The following MTHFSD variants were observed in gnomAD, a reference collection of about 807,000 sequenced individuals.
The protein encoded by MTHFSD is methenyltetrahydrofolate synthase domain-containing protein.
Under a neutral mutation model 31.1 loss-of-function variants are expected in MTHFSD, and 37 were observed. That is an observed-to-expected ratio of 1.19 (90% CI 0.91 to 1.56). MTHFSD has a LOEUF of 1.56. Among genes scored for constraint, MTHFSD ranks in the 40% most tolerant of loss-of-function variants. The pLI is 0.00. For synonymous variants in MTHFSD, 221 were observed against 206.9 expected, an observed-to-expected ratio of 1.07 and a Z score of -0.59; for missense variants, 664 against 510.1, an observed-to-expected ratio of 1.30 and a Z score of -2.91.
At chr16:86,545,567 C>T (rs1014803777) in intron 5 of MTHFSD, among the ~76,000 whole-genome samples, 7 of 152,236 alleles carry the variant, frequency 4.6e-5, no homozygotes, top group Non-Finnish European at 1.0e-4. Flanking sequence ...GAGGACCCTT[C>T]AGTCCCCTCT....
At position 86,531,419 on chromosome 16, in the gene MTHFSD, G is replaced by A. The variant is rs1171235422; in HGVS notation, c.*592C>T. On this transcript the variant is annotated 3_prime_UTR_variant, in exon 8 of 8. Coordinates refer to ENST00000360900, the MANE Select transcript of MTHFSD (RefSeq NM_001159377.2). The surrounding 1 kb of genome is among the most constrained non-coding windows in gnomAD (Gnocchi z 5.5). ...GGAGGAGCGGGGCTGGGGAGGGGAAGAGGGGAGGCTGGCTCCCCGAAATGT... is the reference window on the plus strand; with the variant it reads ...GGAGGAGCGGGGCTGGGGAGGGGAAAAGGGGAGGCTGGCTCCCCGAAATGT... The A allele has an allele frequency of 1.3e-5, 2 of 152,410 alleles. No individual in the cohort carries two copies. The highest frequency in any genetic ancestry group is 4.8e-5 in the African/African-American group (2 of 41,460). The allele number at this position is 152,410 out of a possible 1,614,324, so 9.4% of individuals were successfully genotyped here.
chr16:86,544,854 C>T (rs762105591), intron 5 of MTHFSD, among the ~76,000 whole-genome samples: 2 of 152,214 alleles, frequency 1.3e-5, no homozygotes, highest in Admixed American at 1.3e-4. Flanking sequence ...GGTACATATA[C>T]ACTATGGAAT....
intron 3 of MTHFSD, among the ~76,000 whole-genome samples, chr16:86,551,001 C>T (rs1447989818): frequency 2.0e-5 from 3 of 152,210 alleles, no homozygotes; most frequent in South Asian, 4.1e-4. Context: ...AGAATGACAA[C>T]GATTCTGCCC....
chr16:86,536,487 G>C (rs1417818775), intron 7 of MTHFSD, among the ~76,000 whole-genome samples: 3 of 152,070 alleles, frequency 2.0e-5, no homozygotes, highest in Non-Finnish European at 4.4e-5. Flanking sequence ...GGCTCAATAG[G>C]GCCACCCCTT....
Position 86,531,970 on chromosome 16 carries a change from G to C in MTHFSD, c.*41C>G. 2 of 1,334,706 alleles carry C rather than the reference G, an allele frequency of 1.5e-6. No homozygotes were observed. Among genetic ancestry groups the C allele is most frequent in the Non-Finnish European group, 2.0e-6 (2 of 1,023,524 alleles). 82.7% of individuals were successfully genotyped at this position (1,334,706 alleles called of 1,614,324 possible). Reference sequence around the variant, plus strand: ...TCGGAACCGGAGCGGCAGGGGACGGGGATGGCGAGTCTGCAGTGAGCTCCG... The same window carrying C: ...TCGGAACCGGAGCGGCAGGGGACGGCGATGGCGAGTCTGCAGTGAGCTCCG... On this transcript the variant is annotated 3_prime_UTR_variant, in exon 8 of 8. Coordinates refer to ENST00000360900, the MANE Select transcript of MTHFSD (RefSeq NM_001159377.2). This position sits in a 1 kb window ranked among gnomAD's most constrained non-coding sequence, Gnocchi z 5.5.
rs574934519 is a variant in MTHFSD at position 86,531,691 on chromosome 16, C to G, written c.*320G>C. The G allele has an allele frequency of 4.7e-5, 11 of 233,982 alleles. No individual in the cohort carries two copies. In the East Asian group the frequency reaches 8.7e-4, roughly 19 times the overall value. 14.5% of individuals were successfully genotyped at this position (233,982 alleles called of 1,614,324 possible). On this transcript the variant is annotated 3_prime_UTR_variant, in exon 8 of 8. Coordinates refer to ENST00000360900, the MANE Select transcript of MTHFSD (RefSeq NM_001159377.2). This position sits in a 1 kb window ranked among gnomAD's most constrained non-coding sequence, Gnocchi z 5.5. ...GAGATCACCTTCACATCACCCTCCC[C>G]TGCTTAGCCACTCACTCAGTCCCTG...
At chr16:86,548,202 C>T in intron 4 of MTHFSD, 1 of 1,067,224 alleles carries the variant, frequency 9.4e-7, no homozygotes, top group African/African-American at 1.6e-5. Flanking sequence ...GATCACCCGT[C>T]TTCCCTTTTC....
intron 3 of MTHFSD, 89 bp downstream of exon 3, chr16:86,551,944 C>A: frequency 6.5e-7 from 1 of 1,542,558 alleles, no homozygotes; most frequent in Non-Finnish European, 8.7e-7. Flanking sequence ...TTTCTAAATG[C>A]AAGACAGACG....
At chr16:86,541,655 C>A in intron 7 of MTHFSD, 42 bp downstream of exon 7, 1 of 1,593,752 alleles carries the variant, frequency 6.3e-7, no homozygotes, top group Non-Finnish European at 8.5e-7. Context: ...AGAGGAGGAG[C>A]CGCTAAGCTA....
In MTHFSD at chr16:86,532,209, A is replaced by G. The variant is rs1056781884; in HGVS notation, c.954T>C (p.Arg318=). ...GCAGGGCTCTCTTCAGGTCACTCAC[A>G]CGGGCGTCCCCGGGGAGGTTCCCAA... ...VYVGNLPGDA[R]VSDLKRALRE... is the part of the protein sequence containing the mutation. Residue 318 remains arginine (R), a synonymous_variant, in exon 8 of 8, where the codon CGT becomes CGC. Transcript: ENST00000360900. The G allele has an allele frequency of 3.8e-6, 6 of 1,583,544 alleles. No individual in the cohort carries two copies. The Admixed American group carries it at 7.2e-5, about 19-fold the overall frequency.
At position 86,532,211 on chromosome 16, in the gene MTHFSD, G is replaced by T; in HGVS notation, c.952C>A (p.Arg318Ser). The T allele has an allele frequency of 6.3e-7, 1 of 1,582,022 alleles. No homozygotes were observed. The highest frequency in any genetic ancestry group is 8.6e-7 in the Non-Finnish European group (1 of 1,164,782). ...AGGGCTCTCTTCAGGTCACTCACAC[G>T]GGCGTCCCCGGGGAGGTTCCCAACG... ...VYVGNLPGDA[R>S]VSDLKRALRE... The change falls in exon 8 of 8, where the codon CGT becomes AGT. Residue 318 changes from arginine to serine, a missense_variant. Physicochemically the swap from Arg to Ser is moderately radical, Grantham distance 110 (BLOSUM62 -1). Transcript: ENST00000360900.
intron 4 of MTHFSD, among the ~76,000 whole-genome samples, chr16:86,547,786 C>T (rs930564551): frequency 2.0e-5 from 3 of 152,058 alleles, no homozygotes; most frequent in Non-Finnish European, 4.4e-5. Context: ...ATACATTAGG[C>T]TTAAGTGGCA....
chr16:86,541,714 C>G lies in MTHFSD; in HGVS notation c.664G>C (p.Gly222Arg). The change falls in exon 7 of 8, where the codon GGA becomes CGA. Residue 222 changes from glycine to arginine, a missense_variant. Transcript: ENST00000360900. The stretch of plus-strand genomic sequence containing the variant: ...TGACCCACCTTGAACCAGGTGATTC[C>G]CATTGGCTTTGGGCGCTTGCAGCCT... The part of the protein sequence containing the change: ...ATGCKRPKPM[G>R]ITWFKISLEM... 1 of 1,613,638 alleles carries G rather than the reference C, an allele frequency of 6.2e-7. No homozygotes were observed. The highest frequency in any genetic ancestry group is 2.2e-5 in the East Asian group (1 of 44,882).
At chr16:86,534,591 G>T (rs893948466) in intron 7 of MTHFSD, among the ~76,000 whole-genome samples, 4 of 151,952 alleles carry the variant, frequency 2.6e-5, no homozygotes, top group African/African-American at 9.7e-5. Flanking sequence ...TGTTTTTTTT[G>T]AAACATGTAA....
chr16:86,546,178 A>G (rs1972276473), intron 5 of MTHFSD, among the ~76,000 whole-genome samples: 2 of 152,258 alleles, frequency 1.3e-5, no homozygotes, highest in Non-Finnish European at 2.9e-5. Context: ...GCTTCATAAT[A>G]AAAACAAAGC....
chr16:86,538,414 G>A (rs1013674106), intron 7 of MTHFSD, among the ~76,000 whole-genome samples: 2 of 152,158 alleles, frequency 1.3e-5, no homozygotes, highest in Non-Finnish European at 2.9e-5. Context: ...AGGTGACCAC[G>A]GGTCTCAACA....
At chr16:86,544,789 A>G (rs1334237618) in intron 5 of MTHFSD, among the ~76,000 whole-genome samples, 1 of 152,214 alleles carries the variant, frequency 6.6e-6, no homozygotes, top group Admixed American at 6.5e-5. Flanking sequence ...CACAATAACA[A>G]TGACATGGAA....
At chr16:86,540,305 G>A (rs191643829) in intron 7 of MTHFSD, among the ~76,000 whole-genome samples, 58 of 152,318 alleles carry the variant, frequency 3.8e-4, no homozygotes, top group African/African-American at 9.9e-4. Flanking sequence ...GACAAACAGC[G>A]AAGCCCCCGA....
intron 5 of MTHFSD, among the ~76,000 whole-genome samples, chr16:86,545,082 TC>T (rs1345911428): frequency 6.6e-6 from 1 of 152,006 alleles, no homozygotes; most frequent in Non-Finnish European, 1.5e-5. Flanking sequence ...AGGGAGAACA[TC>T]AGGTAAAATA....
Sources: gnomAD v4.1 joint callset for allele counts (sites outside exome capture counted in the v4.1 genomes callset) on GRCh38, gnomAD v4.1.1 for gene constraint, Gnocchi (gnomAD v3.1) non-coding constraint, MANE v1.5 for transcripts, NCBI Gene and HGNC (gene_info 2026-07-23, HGNC 2026-07-21) for gene names.